The following SH3PXD2B variants were observed in gnomAD, a reference collection of about 807,000 sequenced individuals.
SH3PXD2B encodes the protein SH3 and PX domain-containing protein 2B.
A neutral mutation model predicts 73.1 loss-of-function variants in SH3PXD2B; 37 were observed. That is an observed-to-expected ratio of 0.51 (90% confidence interval 0.39 to 0.67). SH3PXD2B has a LOEUF of 0.67. Ranked by LOEUF, SH3PXD2B falls within the 30% of genes least tolerant of loss-of-function variation. The pLI is 0.00. For synonymous variants in SH3PXD2B, 457 were observed against 480.5 expected, an observed-to-expected ratio of 0.95 and a Z score of 0.64; for missense variants, 1,053 against 1,197.8, an observed-to-expected ratio of 0.88 and a Z score of 1.78.
chr5:172,374,335 GA>G (rs973944576), intron 5 of SH3PXD2B, among the ~76,000 whole-genome samples: 19 of 152,170 alleles, frequency 1.2e-4, no homozygotes, highest in Admixed American at 6.5e-5. Context: ...AATTCACAGG[GA>G]ATAATGAATA....
At chr5:172,415,566 A>AATACTGACCTCATGC (rs1758800624) in intron 2 of SH3PXD2B, among the ~76,000 whole-genome samples, 1 of 152,192 alleles carries the variant, frequency 6.6e-6, no homozygotes, top group Non-Finnish European at 1.5e-5. Context: ...AAATGGATAC[A>AATACTGACCTCATGC]ATACTGACCT....
chr5:172,377,370 A>G lies in SH3PXD2B; in HGVS notation c.402-3555T>C, dbSNP rs529772779. On this transcript the variant is annotated intron_variant, in intron 5 of 12. Coordinates refer to ENST00000311601, the MANE Select transcript of SH3PXD2B (RefSeq NM_001017995.3). ...CCAACCCCAATGGGTATAACCCTCA[A>G]GTTCACCATCCCTAAACCAACAACC... Among the ~76,000 whole-genome samples the G allele has an allele frequency of 2.6e-5, 4 of 152,254 alleles. 1 individual carries two copies. The South Asian group carries it at 8.3e-4, about 32-fold the overall frequency.
At chr5:172,325,411 A>G in intron 12 of SH3PXD2B, 2 of 1,464,960 alleles carry the variant, frequency 1.4e-6, no homozygotes, top group Non-Finnish European at 1.8e-6. Flanking sequence ...AAATCAGCAA[A>G]TCTTCAGTCC....
rs536751030 is a variant in SH3PXD2B, at chr5:172,397,590, C to T, written c.233-2951G>A. On this transcript the variant is annotated intron_variant, in intron 3 of 12. Coordinates refer to ENST00000311601, the MANE Select transcript of SH3PXD2B (RefSeq NM_001017995.3). ...AAAATTTCTCTCTTTTGTACTCTTT[C>T]CCTTTATTTCTCAGACTGGCCGACA... Among the ~76,000 whole-genome samples, 4 of 152,316 alleles carry T rather than the reference C, an allele frequency of 2.6e-5. No homozygotes were observed. The South Asian group carries it at 8.3e-4, about 32-fold the overall frequency.
At chr5:172,373,851 A>T in intron 5 of SH3PXD2B, 36 bp from the exon 6 acceptor site, 2 of 1,611,740 alleles carry the variant, frequency 1.2e-6, no homozygotes, top group Non-Finnish European at 1.7e-6. Flanking sequence ...AAGAGTAACG[A>T]GTCAGTACTT....
chr5:172,336,681 G>GGGGCA lies in SH3PXD2B; in HGVS notation c.*1683_*1687dup, dbSNP rs1374455871. 1 of 984,918 alleles carries GGGGCA rather than the reference G, an allele frequency of 1.0e-6. No individual in the cohort carries two copies. Among genetic ancestry groups the GGGGCA allele is most frequent in the Non-Finnish European group, 1.2e-6 (1 of 829,384 alleles). 61.0% of individuals were successfully genotyped at this position (984,918 alleles called of 1,614,324 possible). The stretch of plus-strand genomic sequence containing the variant: ...TGAACACTGTGAACTGGAGATCTCT[G>GGGGCA]GGGCAGGGCAGGGTGGGGAGGGGCG... On this transcript the variant is annotated 3_prime_UTR_variant, in exon 13 of 13. Coordinates refer to ENST00000311601, the MANE Select transcript of SH3PXD2B (RefSeq NM_001017995.3).
At chr5:172,332,031 A>G (rs116805403), downstream of SH3PXD2B, among the ~76,000 whole-genome samples, 3,533 of 152,280 alleles carry the variant, frequency 0.023, 110 homozygotes, top group African/African-American at 0.068. Context: ...AGGTCACGGG[A>G]CAGAAATGTA....
Position 172,338,448 on chromosome 5 carries a change from C to A in SH3PXD2B, c.2657G>T (p.Trp886Leu), listed in dbSNP as rs768660238. 6.2e-7 allele frequency: 1 copy of A among 1,614,226 alleles called. No individual in the cohort carries two copies. Among genetic ancestry groups the A allele is most frequent in the South Asian group, 1.1e-5 (1 of 91,086 alleles). Reference sequence around the variant, plus strand: ...TCCGCTCAGGACCTGGCAGAACCACCAGCCACTGCTGTTCTTCTCCCGGAC... The same window carrying A: ...TCCGCTCAGGACCTGGCAGAACCACAAGCCACTGCTGTTCTTCTCCCGGAC... ...FEVREKNSSG[W>L]WFCQVLSGAP... is the part of the protein sequence containing the mutation. Residue 886 changes from tryptophan (W) to leucine (L), a missense_variant, in exon 13 of 13, where the codon TGG becomes TTG. By Grantham distance (61) the Trp-to-Leu change is moderately conservative. This residue lies in a region of SH3PXD2B where 587 missense variants were observed against 590.7 expected (regional missense o/e 0.99). Coordinates refer to ENST00000311601, the MANE Select transcript of SH3PXD2B (RefSeq NM_001017995.3). The surrounding 1 kb of genome is among the most constrained non-coding windows in gnomAD (Gnocchi z 5.1).
intron 2 of SH3PXD2B, among the ~76,000 whole-genome samples, chr5:172,418,653 G>T (rs1758881440): frequency 1.3e-5 from 2 of 152,194 alleles, no homozygotes; most frequent in South Asian, 4.1e-4. Context: ...GGTGTGTGTG[G>T]GGGAGGAGGC....
chr5:172,438,028 C>A (rs140816317), intron 1 of SH3PXD2B, among the ~76,000 whole-genome samples: 2 of 152,304 alleles, frequency 1.3e-5, no homozygotes, highest in Non-Finnish European at 2.9e-5. Flanking sequence ...GGGCCTCAAT[C>A]GAGAAAGAAA....
At chr5:172,398,604 T>A (rs1758358929) in intron 3 of SH3PXD2B, among the ~76,000 whole-genome samples, 1 of 152,256 alleles carries the variant, frequency 6.6e-6, no homozygotes, top group South Asian at 2.1e-4. Flanking sequence ...AACAGACCAC[T>A]CCTGTTCAAT....
At chr5:172,372,714 A>T (rs1206023509) in intron 6 of SH3PXD2B, among the ~76,000 whole-genome samples, 1 of 152,150 alleles carries the variant, frequency 6.6e-6, no homozygotes. Context: ...TTGCTATATC[A>T]ACCCCAGTTT....
In SH3PXD2B at chr5:172,373,140, C is replaced by A. The variant is rs143912705; in HGVS notation, c.427+650G>T. 7.0e-3 allele frequency among the ~76,000 whole-genome samples: 1,063 copies of A among 152,292 alleles called. 12 individuals carry two copies. Among genetic ancestry groups the A allele is most frequent in the African/African-American group, 0.024 (1,003 of 41,560 alleles). Reference sequence around the variant, plus strand: ...GGAGAATGGCAATAGGGACGGGAGTCGCTTGACGCTGCATCTGTCATTGCC... The same window carrying A: ...GGAGAATGGCAATAGGGACGGGAGTAGCTTGACGCTGCATCTGTCATTGCC... On this transcript the variant is annotated intron_variant, in intron 6 of 12. Coordinates refer to ENST00000311601, the MANE Select transcript of SH3PXD2B (RefSeq NM_001017995.3).
chr5:172,387,195 A>C (rs1156570418), intron 4 of SH3PXD2B, among the ~76,000 whole-genome samples: 2 of 152,198 alleles, frequency 1.3e-5, no homozygotes, highest in Non-Finnish European at 2.9e-5. Context: ...ACACACACTC[A>C]CAAGTGTGTA....
At chr5:172,352,176 T>A (rs961237970) in intron 9 of SH3PXD2B, among the ~76,000 whole-genome samples, 7 of 152,326 alleles carry the variant, frequency 4.6e-5, no homozygotes, top group Admixed American at 3.3e-4. Flanking sequence ...TGCAGCAAGA[T>A]AACATACTAT....
chr5:172,427,659 T>C (rs1019454434), intron 1 of SH3PXD2B, among the ~76,000 whole-genome samples: 1 of 152,014 alleles, frequency 6.6e-6, no homozygotes, highest in Admixed American at 6.6e-5. Flanking sequence ...CTGGGAGTTG[T>C]TGTTTAATGG....
rs869366 is a variant in SH3PXD2B, at chr5:172,336,858, T to G, written c.*1511A>C. On this transcript the variant is annotated 3_prime_UTR_variant, in exon 13 of 13. Coordinates refer to ENST00000311601, the MANE Select transcript of SH3PXD2B (RefSeq NM_001017995.3). ...CCTCTCCAGACCTCAGTTTGACAGA[T>G]GACCACATCTGCCCTGGGTTTCTTC... 3 of 985,084 alleles carry G rather than the reference T, an allele frequency of 3.0e-6. No individual in the cohort carries two copies. The highest frequency in any genetic ancestry group is 1.7e-5 in the African/African-American group (1 of 57,198). The allele number at this position is 985,084 out of a possible 1,614,324, so 61.0% of individuals were successfully genotyped here. A position where few individuals can be genotyped will look rare whatever the true frequency, so the allele number is the denominator to read the frequency against.
chr5:172,336,141 G>C lies in SH3PXD2B; in HGVS notation c.*2228C>G, dbSNP rs1285849630. 1 of 986,908 alleles carries C rather than the reference G, an allele frequency of 1.0e-6. No individual in the cohort carries two copies. Among genetic ancestry groups the C allele is most frequent in the Non-Finnish European group, 1.2e-6 (1 of 831,004 alleles). The allele number at this position is 986,908 out of a possible 1,614,324, so 61.1% of individuals were successfully genotyped here. ...CCCAGTCTACTCAGCACCTAGCACAGAGTAGACACTCACAAAGTATCTGAA... is the reference window on the plus strand; with the variant it reads ...CCCAGTCTACTCAGCACCTAGCACACAGTAGACACTCACAAAGTATCTGAA... On this transcript the variant is annotated 3_prime_UTR_variant, in exon 13 of 13. Transcript: ENST00000311601.
chr5:172,389,750 C>A (rs1218566157), intron 4 of SH3PXD2B, among the ~76,000 whole-genome samples: 4 of 151,986 alleles, frequency 2.6e-5, no homozygotes, highest in African/African-American at 9.7e-5. Flanking sequence ...AAGCCTACTC[C>A]TCAAAGTGGT....
Sources: allele counts gnomAD v4.1 joint callset (sites outside exome capture counted in the v4.1 genomes callset), GRCh38; gene constraint gnomAD v4.1.1; regional missense constraint gnomAD v4.1.1; non-coding constraint Gnocchi (gnomAD v3.1); transcripts MANE v1.5; gene names NCBI Gene and HGNC (gene_info 2026-07-23, HGNC 2026-07-21).